Variants in PITPNB observed in about 807,000 individuals in gnomAD.
The protein encoded by PITPNB is phosphatidylinositol transfer protein beta.
Under a neutral mutation model 45.9 loss-of-function variants are expected in PITPNB, and 16 were observed. The observed-to-expected ratio is 0.35, with a 90% CI of 0.24 to 0.53. The LOEUF is 0.53. Ranked by LOEUF, PITPNB falls within the 20% of genes least tolerant of loss-of-function variation. The pLI is 0.93. For synonymous variants in PITPNB, 112 were observed against 108.9 expected (o/e 1.03, Z -0.18); for missense variants, 188 against 330.5 (o/e 0.57, Z 3.34).
rs1258664720 is a variant in PITPNB at position 27,896,640 on chromosome 22, A to G, written c.298-14T>C. On this transcript the variant is annotated splice_polypyrimidine_tract_variant and intron_variant, in intron 5 of 11. Transcript: ENST00000335272. ...CATATATTCATTCTGCAGAAAACAC[A>G]ACAGGAAAATGACAGTGATCTTCTA... 1 of 1,573,520 alleles carries G rather than the reference A, an allele frequency of 6.4e-7. No homozygotes were observed. The highest frequency in any genetic ancestry group is 8.7e-7 in the Non-Finnish European group (1 of 1,143,010).
At chr22:27,890,284 T>C (rs1935236054) in intron 7 of PITPNB, among the ~76,000 whole-genome samples, 1 of 149,684 alleles carries the variant, frequency 6.7e-6, no homozygotes, top group South Asian at 2.1e-4. Context: ...GCTTAAAAAC[T>C]GTCAAGGGCA....
chr22:27,881,872 A>G (rs563951738), intron 7 of PITPNB, among the ~76,000 whole-genome samples: 2 of 152,256 alleles, frequency 1.3e-5, no homozygotes, highest in Non-Finnish European at 2.9e-5. Flanking sequence ...TACAAATACT[A>G]ACAACTTCAC....
intron 7 of PITPNB, among the ~76,000 whole-genome samples, chr22:27,888,796 G>T (rs1329053454): frequency 6.6e-6 from 1 of 152,224 alleles, no homozygotes; most frequent in Non-Finnish European, 1.5e-5. Context: ...CAGAAAGGAG[G>T]TGAGAACAAG....
chr22:27,898,675 A>C (rs1935505200), intron 3 of PITPNB, among the ~76,000 whole-genome samples: 2 of 152,240 alleles, frequency 1.3e-5, no homozygotes, highest in South Asian at 4.1e-4. Flanking sequence ...ACCCATGCAG[A>C]AAATGAGAAA....
Position 27,853,748 on chromosome 22 carries a change from A to G in PITPNB, c.*39-85T>C. 5.4e-6 allele frequency: 5 copies of G among 920,340 alleles called. No homozygotes were observed. The South Asian group carries it at 5.6e-5, about 10-fold the overall frequency. 57.0% of individuals were successfully genotyped at this position (920,340 alleles called of 1,614,324 possible). ...GCAGCTCGTCACACACACTCTCCAA[A>G]TGCATCAAAACTTTTGGCAGAAAAT... is the stretch of plus-strand genomic sequence containing the variant. On this transcript the variant is annotated intron_variant, in intron 11 of 11. Transcript: ENST00000335272.
In PITPNB at chr22:27,853,660, G is replaced by A. The variant is rs904266011; in HGVS notation, c.*42C>T. Reference sequence around the variant, plus strand: ...GTTCCCCTCACTTGACCTTGATTACGTAACTGTAAGAAAAGTGAAAGACAG... The same window carrying A: ...GTTCCCCTCACTTGACCTTGATTACATAACTGTAAGAAAAGTGAAAGACAG... On this transcript the variant is annotated 3_prime_UTR_variant, in exon 12 of 12. Transcript: ENST00000335272. 1.4e-5 allele frequency: 22 copies of A among 1,549,466 alleles called. No homozygotes were observed. Among genetic ancestry groups the A allele is most frequent in the Admixed American group, 3.9e-5 (2 of 51,002 alleles).
Position 27,854,842 on chromosome 22 carries a change from G to A in PITPNB, c.*38+12C>T. 1.3e-6 allele frequency: 2 copies of A among 1,560,018 alleles called. No homozygotes were observed. Among genetic ancestry groups the A allele is most frequent in the Non-Finnish European group, 1.8e-6 (2 of 1,133,270 alleles). On this transcript the variant is annotated intron_variant, in intron 11 of 11. Transcript: ENST00000335272. ...GGTTTCGAAACATCTTTTTACCCAG[G>A]TCTTCACTTACACAGTTTGACATTG...
rs910197702 is a variant in PITPNB, at chr22:27,860,216, C to T, written c.560G>A (p.Cys187Tyr). The T allele has an allele frequency of 1.9e-6, 3 of 1,612,260 alleles. No homozygotes were observed. The highest frequency in any genetic ancestry group is 2.7e-5 in the African/African-American group (2 of 74,880). The stretch of plus-strand genomic sequence containing the variant: ...CAGCTTATAGGCACACATCTGGGGA[C>T]AGTCAGGGCTGTTTGCCAGCTCCTT... The part of the protein sequence containing the change: ...WKKELANSPD[C>Y]PQMCAYKLVT... Residue 187 changes from cysteine (C) to tyrosine (Y), a missense_variant, in exon 9 of 12, where the codon TGT (cysteine) becomes TAT (tyrosine). By Grantham distance (194) the Cys-to-Tyr change is radical. Transcript: ENST00000335272.
At chr22:27,913,400 A>G (rs1216119301) in intron 2 of PITPNB, among the ~76,000 whole-genome samples, 2 of 152,224 alleles carry the variant, frequency 1.3e-5, no homozygotes, top group Admixed American at 6.5e-5. Flanking sequence ...GGAAAACCAG[A>G]TAACTGAGCA....
chr22:27,862,515 A>T (rs1232579065), intron 8 of PITPNB, among the ~76,000 whole-genome samples: 2 of 152,208 alleles, frequency 1.3e-5, no homozygotes, highest in African/African-American at 4.8e-5. Flanking sequence ...GTAAGCAGTT[A>T]AATAAAAATA....
At chr22:27,904,516 G>A (rs1423684635) in intron 3 of PITPNB, among the ~76,000 whole-genome samples, 1 of 152,178 alleles carries the variant, frequency 6.6e-6, no homozygotes, top group Non-Finnish European at 1.5e-5. Context: ...ATTTCTTTCT[G>A]GATTGTTGAA....
At chr22:27,873,214 C>T (rs1239968574) in intron 8 of PITPNB, among the ~76,000 whole-genome samples, 1 of 152,174 alleles carries the variant, frequency 6.6e-6, no homozygotes, top group Non-Finnish European at 1.5e-5. Context: ...CTGCAGTGAG[C>T]CCAGATTGCA....
intron 7 of PITPNB, among the ~76,000 whole-genome samples, chr22:27,880,235 A>C (rs1934930562): frequency 1.3e-5 from 2 of 152,258 alleles, no homozygotes; most frequent in South Asian, 4.1e-4. Flanking sequence ...TTATTGAAAA[A>C]ATGTGATTTA....
At chr22:27,857,870 T>C (rs900414949) in intron 10 of PITPNB, among the ~76,000 whole-genome samples, 16 of 152,300 alleles carry the variant, frequency 1.1e-4, no homozygotes, top group Admixed American at 3.9e-4. Context: ...CACCTGAATC[T>C]GCCCAAAGCT....
chr22:27,867,514 T>G (rs1429324998), intron 8 of PITPNB, among the ~76,000 whole-genome samples: 1 of 152,202 alleles, frequency 6.6e-6, no homozygotes, highest in African/African-American at 2.4e-5. Context: ...TTACTGCCTG[T>G]GAGAGGATAA....
intron 10 of PITPNB, among the ~76,000 whole-genome samples, chr22:27,855,289 C>G (rs1171989510): frequency 2.0e-5 from 3 of 152,172 alleles, no homozygotes; most frequent in African/African-American, 7.2e-5. Flanking sequence ...CTAGGCCAGA[C>G]AAGCAAGCCA....
intron 7 of PITPNB, among the ~76,000 whole-genome samples, chr22:27,879,228 C>T (rs1388520295): frequency 6.6e-6 from 1 of 152,102 alleles, no homozygotes; most frequent in African/African-American, 2.4e-5. Context: ...CTCCTAAAGC[C>T]TTTGGAAGGA....
At chr22:27,866,410 A>T (rs958815045) in intron 8 of PITPNB, among the ~76,000 whole-genome samples, 1 of 152,218 alleles carries the variant, frequency 6.6e-6, no homozygotes, top group African/African-American at 2.4e-5. Flanking sequence ...AATGTATACT[A>T]GAGGCACACA....
At chr22:27,857,599 G>A (rs1934209310) in intron 10 of PITPNB, among the ~76,000 whole-genome samples, 4 of 152,186 alleles carry the variant, frequency 2.6e-5, no homozygotes, top group Non-Finnish European at 2.9e-5. Flanking sequence ...GGCAGGACTC[G>A]AGATGACCAC....
Sources: gnomAD v4.1 joint callset for allele counts (sites outside exome capture counted in the v4.1 genomes callset) on GRCh38, gnomAD v4.1.1 for gene constraint, MANE v1.5 for transcripts, NCBI Gene and HGNC (gene_info 2026-07-23, HGNC 2026-07-21) for gene names.